TGFB2: variants seen among roughly 807,000 people sequenced by gnomAD.
TGFB2 encodes the protein transforming growth factor beta-2 proprotein.
TGFB2 carries 13 observed loss-of-function variants against 42.7 expected under a neutral mutation model. That is an observed-to-expected ratio of 0.30 (90% confidence interval 0.20 to 0.48). TGFB2 has a LOEUF of 0.48. TGFB2 is among the 20% of genes least tolerant of loss of function. TGFB2 has a pLI of 0.99. For missense variants in TGFB2, 390 were observed against 517.5 expected (o/e 0.75, Z 2.39); for synonymous variants, 193 against 193.6 (o/e 1.00, Z 0.03).
At chr1:218,424,255 G>A (rs1030774099) in intron 2 of TGFB2, among the ~76,000 whole-genome samples, 2 of 152,226 alleles carry the variant, frequency 1.3e-5, no homozygotes, top group Non-Finnish European at 2.9e-5. Context: ...GACATTGGCT[G>A]CACTGTTGCT....
rs966558165 is a variant in TGFB2 at position 218,444,400 on chromosome 1, T to C, written c.*3038T>C. 1 of 152,178 alleles carries C rather than the reference T, an allele frequency of 6.6e-6. No individual in the cohort carries two copies. Among genetic ancestry groups the C allele is most frequent in the South Asian group, 2.1e-4 (1 of 4,832 alleles). The allele number at this position is 152,178 out of a possible 1,614,324, so 9.4% of individuals were successfully genotyped here. A position where few individuals can be genotyped will look rare whatever the true frequency, so the allele number is the denominator to read the frequency against. On this transcript the variant is annotated 3_prime_UTR_variant, in exon 7 of 7. Coordinates refer to ENST00000366930, the MANE Select transcript of TGFB2 (RefSeq NM_003238.6). ...GTAGCCCCATAACTTGGATAGTTGC[T>C]GAGCCAGCCAGATATAACAAGAGCC...
chr1:218,346,949 G>C lies in TGFB2; in HGVS notation c.248G>C (p.Ser83Thr). 6.2e-7 allele frequency: 1 copy of C among 1,614,038 alleles called. No homozygotes were observed. Among genetic ancestry groups the C allele is most frequent in the Non-Finnish European group, 8.5e-7 (1 of 1,179,968 alleles). Residue 83 changes from serine to threonine, a missense_variant, in exon 1 of 7, where the codon AGC becomes ACC. Coordinates refer to ENST00000366930, the MANE Select transcript of TGFB2 (RefSeq NM_003238.6). This position sits in a 1 kb window ranked among gnomAD's most constrained non-coding sequence, Gnocchi z 4.9. ...STRDLLQEKA[S>T]RRAAACERER... ...AGGGACTTGCTCCAGGAGAAGGCGAGCCGGAGGGCGGCCGCCTGCGAGCGC... is the reference window on the plus strand; with the variant it reads ...AGGGACTTGCTCCAGGAGAAGGCGACCCGGAGGGCGGCCGCCTGCGAGCGC...
intron 2 of TGFB2, among the ~76,000 whole-genome samples, chr1:218,424,366 A>G (rs1659553819): frequency 6.6e-6 from 1 of 152,254 alleles, no homozygotes; most frequent in Non-Finnish European, 1.5e-5. Flanking sequence ...AATAGAGTTC[A>G]ACATTAACAG....
At position 218,442,088 on chromosome 1, in the gene TGFB2, T is replaced by C. The variant is rs1196232268; in HGVS notation, c.*726T>C. 1.6e-4 allele frequency: 24 copies of C among 152,020 alleles called. No homozygotes were observed. The highest frequency in any genetic ancestry group is 1.6e-3 in the Admixed American group (24 of 15,260). The allele number at this position is 152,020 out of a possible 1,614,324, so 9.4% of individuals were successfully genotyped here. A position where few individuals can be genotyped will look rare whatever the true frequency, so the allele number is the denominator to read the frequency against. On this transcript the variant is annotated 3_prime_UTR_variant, in exon 7 of 7. Coordinates refer to ENST00000366930, the MANE Select transcript of TGFB2 (RefSeq NM_003238.6). ...ATCAGCTGCCTAAGGAAGCTTCTTG[T>C]AAGGTCCAAAAACTAAAAAGACTGT...
At chr1:218,358,571 C>T (rs184695731) in intron 1 of TGFB2, among the ~76,000 whole-genome samples, 15 of 126,038 alleles carry the variant, frequency 1.2e-4, no homozygotes, top group African/African-American at 3.0e-4. Context: ...TTTTTTGAGA[C>T]AGAGTCTCGC....
chr1:218,409,618 T>C lies in TGFB2; in HGVS notation c.510+4286T>C, dbSNP rs572821114. ...TAGTCAGGAAACTGAACACATGCAA[T>C]AAATTTTACAGAGTTTCACATCCAA... On this transcript the variant is annotated intron_variant, in intron 2 of 6. Transcript: ENST00000366930. Among the ~76,000 whole-genome samples, 9 of 152,208 alleles carry C rather than the reference T, an allele frequency of 5.9e-5. No individual in the cohort carries two copies. The East Asian group carries it at 1.7e-3, about 29-fold the overall frequency.
chr1:218,373,667 A>G (rs1455830171), intron 1 of TGFB2, among the ~76,000 whole-genome samples: 1 of 151,442 alleles, frequency 6.6e-6, no homozygotes, highest in African/African-American at 2.5e-5. Context: ...TCTGACTCCA[A>G]AGCTCATCCT....
intron 1 of TGFB2, among the ~76,000 whole-genome samples, chr1:218,368,181 G>A (rs927269412): frequency 6.6e-6 from 1 of 151,572 alleles, no homozygotes; most frequent in Non-Finnish European, 1.5e-5. Context: ...TTTCACTCTT[G>A]TTGCCCAGGC....
chr1:218,412,695 C>G (rs539686368), intron 2 of TGFB2, among the ~76,000 whole-genome samples: 1 of 152,082 alleles, frequency 6.6e-6, no homozygotes, highest in East Asian at 1.9e-4. Context: ...GTGGGGAGTG[C>G]GTGTTCAACA....
At chr1:218,422,255 T>C (rs1159599102) in intron 2 of TGFB2, among the ~76,000 whole-genome samples, 1 of 151,798 alleles carries the variant, frequency 6.6e-6, no homozygotes, top group Non-Finnish European at 1.5e-5. Context: ...TCTCGCTCTG[T>C]CACCCAGGCT....
At chr1:218,434,236 TC>T (rs1350654081) in intron 3 of TGFB2, 22 bp downstream of exon 3, 3 of 1,612,852 alleles carry the variant, frequency 1.9e-6, no homozygotes, top group Non-Finnish European at 2.5e-6. Flanking sequence ...CTCTCTCTTT[TC>T]CTCCCAAGAT....
chr1:218,410,421 C>T (rs1659056769), intron 2 of TGFB2, among the ~76,000 whole-genome samples: 2 of 152,184 alleles, frequency 1.3e-5, no homozygotes, highest in Admixed American at 1.3e-4. Flanking sequence ...TCATTACCCT[C>T]CCCTCTCTAC....
chr1:218,379,137 T>C (rs1007485281), intron 1 of TGFB2, among the ~76,000 whole-genome samples: 1 of 149,816 alleles, frequency 6.7e-6, no homozygotes, highest in Non-Finnish European at 1.5e-5. Flanking sequence ...TTTCTTTTTT[T>C]TTTTTCTTTT....
At chr1:218,414,850 A>G (rs1659222518) in intron 2 of TGFB2, among the ~76,000 whole-genome samples, 1 of 152,198 alleles carries the variant, frequency 6.6e-6, no homozygotes, top group African/African-American at 2.4e-5. Flanking sequence ...TTATTTTACA[A>G]GTGAGGAAAC....
At chr1:218,417,637 G>A (rs989291066) in intron 2 of TGFB2, among the ~76,000 whole-genome samples, 1 of 152,224 alleles carries the variant, frequency 6.6e-6, no homozygotes, top group Non-Finnish European at 1.5e-5. Flanking sequence ...TGTCTCCAGA[G>A]CATGCCAGAG....
chr1:218,364,227 T>C (rs1001804549), intron 1 of TGFB2, among the ~76,000 whole-genome samples: 1 of 152,208 alleles, frequency 6.6e-6, no homozygotes, highest in South Asian at 2.1e-4. Flanking sequence ...CTCAGCCAAC[T>C]GGACCTGTGA....
intron 1 of TGFB2, among the ~76,000 whole-genome samples, chr1:218,366,614 A>G (rs959195291): frequency 6.6e-6 from 1 of 152,092 alleles, no homozygotes; most frequent in Non-Finnish European, 1.5e-5. Context: ...GCCTGACCCG[A>G]GGTGGTGTTT....
At position 218,434,107 on chromosome 1, in the gene TGFB2, C is replaced by A; in HGVS notation, c.536C>A (p.Ser179Tyr). 6.2e-7 allele frequency: 1 copy of A among 1,614,122 alleles called. No homozygotes were observed. The highest frequency in any genetic ancestry group is 8.5e-7 in the Non-Finnish European group (1 of 1,180,004). The change falls in exon 3 of 7, where the codon TCT becomes TAT. Residue 179 changes from serine to tyrosine, a missense_variant. Physicochemically the swap from Ser to Tyr is moderately radical, Grantham distance 144. Transcript: ENST00000366930. The part of the protein sequence containing the change: ...YQILKSKDLT[S>Y]PTQRYIDSKV... Reference sequence around the variant, plus strand: ...ATTCTCAAGTCCAAAGATTTAACATCTCCAACCCAGCGCTACATCGACAGC... The same window carrying A: ...ATTCTCAAGTCCAAAGATTTAACATATCCAACCCAGCGCTACATCGACAGC...
chr1:218,394,929 C>G (rs1010488110), intron 1 of TGFB2, among the ~76,000 whole-genome samples: 1 of 152,056 alleles, frequency 6.6e-6, no homozygotes, highest in Non-Finnish European at 1.5e-5. Flanking sequence ...TCCAACCACT[C>G]GGTGGGTTGC....
Sources: gnomAD v4.1 joint callset for allele counts (sites outside exome capture counted in the v4.1 genomes callset) on GRCh38, gnomAD v4.1.1 for gene constraint, Gnocchi (gnomAD v3.1) non-coding constraint, MANE v1.5 for transcripts, NCBI Gene and HGNC (gene_info 2026-07-23, HGNC 2026-07-21) for gene names.